Variants in ZNF618 observed in about 807,000 individuals in gnomAD.
The protein encoded by ZNF618 is zinc finger protein 618, also known as neural precursor cell expressed, developmentally down-regulated 10.
ZNF618 carries 34 observed loss-of-function variants against 103.0 expected under a neutral mutation model. The observed-to-expected ratio is 0.33, with a 90% CI of 0.25 to 0.44. The LOEUF is 0.44. Ranked by LOEUF, ZNF618 falls within the 20% of genes least tolerant of loss-of-function variation. The pLI is 1.00. For synonymous variants in ZNF618, 551 were observed against 542.2 expected, an observed-to-expected ratio of 1.02 and a Z score of -0.23; for missense variants, 1,059 against 1,295.4, an observed-to-expected ratio of 0.82 and a Z score of 2.80.
chr9:114,003,203 A>G lies in ZNF618; in HGVS notation c.550+541A>G, dbSNP rs549701395. Among the ~76,000 whole-genome samples, 117 of 152,350 alleles carry G rather than the reference A, an allele frequency of 7.7e-4. 1 individual carries two copies. The highest frequency in any genetic ancestry group is 2.7e-3 in the African/African-American group (112 of 41,582). On this transcript the variant is annotated intron_variant, in intron 6 of 14. Coordinates refer to ENST00000374126, the MANE Select transcript of ZNF618 (RefSeq NM_001318042.2). ...CATATCCCAGCACCTGGGGCGGCAC[A>G]GGGCCTTGACATCTGCGACAGCACT...
intron 10 of ZNF618, among the ~76,000 whole-genome samples, chr9:114,020,115 A>C (rs1329175215): frequency 6.6e-6 from 1 of 152,098 alleles, no homozygotes; most frequent in Non-Finnish European, 1.5e-5. Flanking sequence ...TCCCTATTGC[A>C]TTGCACTGGT....
chr9:113,881,238 G>C (rs1166124674), intron 1 of ZNF618, among the ~76,000 whole-genome samples: 1 of 152,084 alleles, frequency 6.6e-6, no homozygotes, highest in Admixed American at 6.5e-5. Context: ...AATTTAATCA[G>C]ACAAAAACAC....
chr9:113,895,386 A>G (rs987687873), intron 1 of ZNF618, among the ~76,000 whole-genome samples: 1 of 152,166 alleles, frequency 6.6e-6, no homozygotes, highest in African/African-American at 2.4e-5. Flanking sequence ...ATTTTCTAAT[A>G]TTAAACTATC....
rs568850037 is a variant in ZNF618 at position 113,907,167 on chromosome 9, C to T, written c.33+30754C>T. Reference sequence around the variant, plus strand: ...ATGGTGTGTTGTTATTATTGGATGGCCCTGGGTTATTTGATTCTCTTGTTG... The same window carrying T: ...ATGGTGTGTTGTTATTATTGGATGGTCCTGGGTTATTTGATTCTCTTGTTG... On this transcript the variant is annotated intron_variant, in intron 1 of 14. Coordinates refer to ENST00000374126, the MANE Select transcript of ZNF618 (RefSeq NM_001318042.2). Among the ~76,000 whole-genome samples, 8 of 152,312 alleles carry T rather than the reference C, an allele frequency of 5.3e-5. No homozygotes were observed. In the East Asian group the frequency reaches 9.7e-4, roughly 18 times the overall value.
At chr9:113,980,687 G>A (rs1403644728) in intron 2 of ZNF618, among the ~76,000 whole-genome samples, 1 of 152,222 alleles carries the variant, frequency 6.6e-6, no homozygotes, top group African/African-American at 2.4e-5. Context: ...TGTAAGAGCT[G>A]GAGTGATGAA....
chr9:113,972,341 G>A (rs2132887073), intron 2 of ZNF618, among the ~76,000 whole-genome samples: 1 of 152,244 alleles, frequency 6.6e-6, no homozygotes, highest in African/African-American at 2.4e-5. Flanking sequence ...GAGCCACCAT[G>A]CCCACCCTTT....
chr9:113,961,439 G>A (rs924669656), intron 1 of ZNF618, among the ~76,000 whole-genome samples: 5 of 152,284 alleles, frequency 3.3e-5, no homozygotes, highest in Admixed American at 6.5e-5. Context: ...ATCCTCCACC[G>A]GCCAAGGCCT....
chr9:113,975,196 A>T (rs758432266), intron 2 of ZNF618, among the ~76,000 whole-genome samples: 1 of 152,034 alleles, frequency 6.6e-6, no homozygotes, highest in African/African-American at 2.4e-5. Flanking sequence ...CCATGATCCA[A>T]ATATGTGTCT....
chr9:113,922,482 T>G (rs139383170), intron 1 of ZNF618, among the ~76,000 whole-genome samples: 61,528 of 146,648 alleles, frequency 0.42, 13,388 homozygotes, highest in Non-Finnish European at 0.5. Flanking sequence ...GGTTTGTTTT[T>G]TTTTTTTTTT....
intron 1 of ZNF618, among the ~76,000 whole-genome samples, chr9:113,942,806 A>G (rs977238875): frequency 6.6e-6 from 1 of 152,218 alleles, no homozygotes; most frequent in African/African-American, 2.4e-5. Context: ...TTTAATAGCA[A>G]CAAGACCAGG....
intron 1 of ZNF618, among the ~76,000 whole-genome samples, chr9:113,963,880 G>A (rs766550859): frequency 1.3e-5 from 2 of 152,172 alleles, no homozygotes; most frequent in South Asian, 4.1e-4. Context: ...GGTGACAGAC[G>A]CTTCAGGAAC....
At chr9:113,899,124 C>T (rs570725223) in intron 1 of ZNF618, among the ~76,000 whole-genome samples, 1 of 152,230 alleles carries the variant, frequency 6.6e-6, no homozygotes, top group Non-Finnish European at 1.5e-5. Context: ...GATTTTAAGA[C>T]CTTTTTTCCC....
At chr9:113,878,768 G>T (rs1007051263) in intron 1 of ZNF618, among the ~76,000 whole-genome samples, 3 of 152,226 alleles carry the variant, frequency 2.0e-5, no homozygotes, top group Non-Finnish European at 4.4e-5. Context: ...CCTTTTGCCA[G>T]CCACTAGCTG....
chr9:113,883,246 A>T (rs1290710038), intron 1 of ZNF618, among the ~76,000 whole-genome samples: 1 of 152,226 alleles, frequency 6.6e-6, no homozygotes, highest in East Asian at 1.9e-4. Context: ...CCCTGGAATA[A>T]TAAGTCCAAC....
Position 114,032,691 on chromosome 9 carries a change from C to T in ZNF618, c.1131C>T (p.His377=). 6.2e-7 allele frequency: 1 copy of T among 1,614,084 alleles called. No homozygotes were observed. The highest frequency in any genetic ancestry group is 8.5e-7 in the Non-Finnish European group (1 of 1,179,898). The change falls in exon 12 of 15, where the codon CAC becomes CAT. Residue 377 remains histidine, a synonymous_variant. Coordinates refer to ENST00000374126, the MANE Select transcript of ZNF618 (RefSeq NM_001318042.2). ...SRRVEGKAQN[H]FEETNSSSQN... is the part of the protein sequence containing the mutation. ...GAGTAGAAGGCAAAGCACAAAACCA[C>T]TTTGAAGAGACGAACAGCAGTTCGC... is the stretch of plus-strand genomic sequence containing the variant.
chr9:113,916,065 C>T (rs543127598), intron 1 of ZNF618, among the ~76,000 whole-genome samples: 7 of 117,432 alleles, frequency 6.0e-5, no homozygotes, highest in Admixed American at 1.0e-4. Flanking sequence ...GAGACATGCG[C>T]GTGTGTCTGT....
chr9:113,983,914 G>A (rs569549379), intron 2 of ZNF618, among the ~76,000 whole-genome samples: 5 of 152,186 alleles, frequency 3.3e-5, no homozygotes, highest in East Asian at 1.9e-4. Context: ...AGTGGGCCCC[G>A]GGGAGTCTTA....
chr9:113,902,982 TA>T (rs914021693), intron 1 of ZNF618, among the ~76,000 whole-genome samples: 1 of 152,172 alleles, frequency 6.6e-6, no homozygotes, highest in African/African-American at 2.4e-5. Context: ...AGGCCTTTTT[TA>T]TGATGTGTAC....
chr9:113,976,396 C>T (rs1838469911), intron 2 of ZNF618, among the ~76,000 whole-genome samples: 1 of 152,204 alleles, frequency 6.6e-6, no homozygotes, highest in African/African-American at 2.4e-5. Context: ...GAGGACCTGA[C>T]CTAGTTGCTT....
Sources: allele counts gnomAD v4.1 joint callset (sites outside exome capture counted in the v4.1 genomes callset), GRCh38; gene constraint gnomAD v4.1.1; transcripts MANE v1.5; gene names NCBI Gene and HGNC (gene_info 2026-07-23, HGNC 2026-07-21).